Variants in DAB1 observed in about 807,000 individuals in gnomAD.
DAB1 encodes the protein disabled homolog 1.
In DAB1, 15 loss-of-function variants were observed where a neutral mutation model predicts 64.6. That is an observed-to-expected ratio of 0.23 (90% CI 0.16 to 0.36). The LOEUF is 0.36. Ranked by LOEUF, DAB1 falls within the 10% of genes least tolerant of loss-of-function variation. The pLI is 1.00. For missense variants in DAB1, 596 were observed against 706.7 expected, an observed-to-expected ratio of 0.84 and a Z score of 1.78; for synonymous variants, 235 against 251.9, an observed-to-expected ratio of 0.93 and a Z score of 0.64.
intron 7 of DAB1, among the ~76,000 whole-genome samples, chr1:57,457,555 C>G (rs938693030): frequency 1.3e-5 from 2 of 152,092 alleles, no homozygotes; most frequent in African/African-American, 4.8e-5. Flanking sequence ...ATTTGGCATT[C>G]TCAATGTATA....
intron 1 of DAB1, among the ~76,000 whole-genome samples, chr1:57,419,399 G>A (rs1033638706): frequency 5.9e-5 from 9 of 151,492 alleles, no homozygotes; most frequent in Non-Finnish European, 7.4e-5. Flanking sequence ...GAATAACTGC[G>A]GAAAAGTAAA....
intron 7 of DAB1, among the ~76,000 whole-genome samples, chr1:57,431,379 A>G (rs953280312): frequency 4.7e-4 from 72 of 152,208 alleles, no homozygotes; most frequent in Non-Finnish European, 5.4e-4. Context: ...TGTTTTAACT[A>G]CATTTCAGAT....
chr1:58,260,855 T>C (rs966090065), intron 4 of DAB1, among the ~76,000 whole-genome samples: 6 of 152,178 alleles, frequency 3.9e-5, no homozygotes, highest in African/African-American at 9.7e-5. Flanking sequence ...TGTTTCTTTA[T>C]TTGTGATGAC....
At chr1:58,534,189 T>G (rs1051900598) in intron 1 of DAB1, 4 of 871,646 alleles carry the variant, frequency 4.6e-6, no homozygotes, top group African/African-American at 1.6e-5. Flanking sequence ...AATTGGGGAA[T>G]CAACCACATG....
chr1:57,062,799 G>A, intron 9 of DAB1, 85 bp downstream of exon 9: 1 of 1,135,776 alleles, frequency 8.8e-7, no homozygotes, highest in Admixed American at 1.8e-5. Context: ...CATTCCAGGA[G>A]AAGGGTTTCC....
intron 5 of DAB1, among the ~76,000 whole-genome samples, chr1:57,892,924 T>G (rs1644338696): frequency 6.6e-6 from 1 of 152,014 alleles, no homozygotes; most frequent in African/African-American, 2.4e-5. Context: ...ATGTCATTGG[T>G]TCTCCAACTT....
At chr1:58,121,241 A>C (rs1341964979) in intron 5 of DAB1, among the ~76,000 whole-genome samples, 1 of 152,132 alleles carries the variant, frequency 6.6e-6, no homozygotes. Context: ...CTTCCAAAAC[A>C]TGAGCTGGAT....
At chr1:57,777,010 C>G (rs1308030738) in intron 6 of DAB1, among the ~76,000 whole-genome samples, 2 of 150,656 alleles carry the variant, frequency 1.3e-5, no homozygotes, top group African/African-American at 2.4e-5. Flanking sequence ...AACAAATTCT[C>G]TCAGCTTCTA....
At chr1:57,448,981 G>A (rs539374247) in intron 7 of DAB1, among the ~76,000 whole-genome samples, 1 of 152,102 alleles carries the variant, frequency 6.6e-6, no homozygotes, top group South Asian at 2.1e-4. Flanking sequence ...CTCTGTGCTC[G>A]ACTTTGGACT....
intron 6 of DAB1, among the ~76,000 whole-genome samples, chr1:57,662,797 G>C (rs1646402540): frequency 6.6e-6 from 1 of 152,200 alleles, no homozygotes; most frequent in Non-Finnish European, 1.5e-5. Flanking sequence ...ATGGTATGTG[G>C]ACAGATCACC....
At chr1:57,048,489 C>A (rs1420338799) in intron 9 of DAB1, among the ~76,000 whole-genome samples, 2 of 152,174 alleles carry the variant, frequency 1.3e-5, no homozygotes, top group African/African-American at 4.8e-5. Flanking sequence ...AATCTCTGTT[C>A]ATGAATTACA....
chr1:57,045,779 A>T (rs896283429), intron 9 of DAB1, among the ~76,000 whole-genome samples: 1 of 152,198 alleles, frequency 6.6e-6, no homozygotes, highest in Admixed American at 6.5e-5. Flanking sequence ...GGTGAAAAAA[A>T]GGATAATTCT....
chr1:57,231,561 CA>C (rs1481066750), intron 2 of DAB1, among the ~76,000 whole-genome samples: 1 of 152,134 alleles, frequency 6.6e-6, no homozygotes, highest in Non-Finnish European at 1.5e-5. Context: ...TGCTGTATGC[CA>C]GACACAGAGC....
intron 3 of DAB1, among the ~76,000 whole-genome samples, chr1:58,456,155 T>C (rs1557768942): frequency 6.6e-6 from 1 of 152,366 alleles, no homozygotes; most frequent in East Asian, 1.9e-4. Context: ...TTCCCTAAAT[T>C]CAGGGTAACA....
At chr1:57,552,900 G>A (rs989543188) in intron 7 of DAB1, among the ~76,000 whole-genome samples, 15 of 152,244 alleles carry the variant, frequency 9.9e-5, no homozygotes, top group Non-Finnish European at 1.9e-4. Flanking sequence ...AGATGATGAA[G>A]ACATTACATT....
chr1:58,442,894 T>C (rs1645028096), intron 3 of DAB1, among the ~76,000 whole-genome samples: 1 of 152,040 alleles, frequency 6.6e-6, no homozygotes, highest in African/African-American at 2.4e-5. Flanking sequence ...CAGAAATAAA[T>C]AAAATAAGAT....
chr1:58,042,685 T>C (rs1298103400), intron 5 of DAB1, among the ~76,000 whole-genome samples: 3 of 152,208 alleles, frequency 2.0e-5, no homozygotes, highest in Non-Finnish European at 4.4e-5. Context: ...GTGCAAAGAC[T>C]ATTCGCATGG....
At chr1:58,042,401 G>GAC (rs2100506957) in intron 5 of DAB1, among the ~76,000 whole-genome samples, 1 of 152,228 alleles carries the variant, frequency 6.6e-6, no homozygotes, top group South Asian at 2.1e-4. Flanking sequence ...GACACTGTTA[G>GAC]ACACTAGGAA....
At chr1:57,110,090 A>G (rs1488316507) in intron 4 of DAB1, among the ~76,000 whole-genome samples, 1 of 152,198 alleles carries the variant, frequency 6.6e-6, no homozygotes, top group African/African-American at 2.4e-5. Context: ...TTAATGGGCT[A>G]TAAGTAAAGT....
Sources: allele counts gnomAD v4.1 joint callset (sites outside exome capture counted in the v4.1 genomes callset), GRCh38; gene constraint gnomAD v4.1.1; transcripts MANE v1.5; gene names NCBI Gene and HGNC (gene_info 2026-07-23, HGNC 2026-07-21).